Variants in PLIN3 observed in about 807,000 individuals in gnomAD.
The protein encoded by PLIN3 is perilipin-3.
PLIN3 carries 30 observed loss-of-function variants against 35.9 expected under a neutral mutation model. The observed-to-expected ratio is 0.84, with a 90% CI of 0.62 to 1.13. PLIN3 has a LOEUF of 1.13. Ranked by LOEUF, PLIN3 falls within the 50% of genes most tolerant of loss-of-function variation. The probability of loss-of-function intolerance (pLI) is 0.00; values close to 1 mark genes in which losing one functional copy is unlikely to be tolerated. For missense variants in PLIN3, 603 were observed against 596.9 expected (o/e 1.01, Z -0.11); for synonymous variants, 261 against 262.5 (o/e 0.99, Z 0.06).
intron 2 of PLIN3, 32 bp downstream of exon 2, chr19:4,861,297 C>T (rs768001616): frequency 1.4e-5 from 22 of 1,593,646 alleles, no homozygotes; most frequent in Non-Finnish European, 1.8e-5. Context: ...ATCACAGGGT[C>T]GGGGCAGTCC....
At chr19:4,845,481 C>G (rs902477054) in intron 6 of PLIN3, among the ~76,000 whole-genome samples, 2 of 152,038 alleles carry the variant, frequency 1.3e-5, no homozygotes, top group Non-Finnish European at 2.9e-5. Context: ...TATGACTCAG[C>G]CTTCCAAAGG....
At chr19:4,854,859 C>T (rs1319026430) in intron 4 of PLIN3, among the ~76,000 whole-genome samples, 1 of 151,980 alleles carries the variant, frequency 6.6e-6, no homozygotes, top group Non-Finnish European at 1.5e-5. Flanking sequence ...TCACACCTGT[C>T]ATCCCGGCAC....
chr19:4,864,918 A>G (rs2030800266), intron 1 of PLIN3, among the ~76,000 whole-genome samples: 1 of 152,090 alleles, frequency 6.6e-6, no homozygotes, highest in Non-Finnish European at 1.5e-5. Context: ...AGGGTCGGGC[A>G]TGGTGGCTCA....
intron 5 of PLIN3, 80 bp downstream of exon 5, chr19:4,851,936 C>T: frequency 6.9e-7 from 1 of 1,448,422 alleles, no homozygotes; most frequent in Non-Finnish European, 9.4e-7. Flanking sequence ...AGTGTCGGCA[C>T]AGACCCCAGG....
intron 5 of PLIN3, among the ~76,000 whole-genome samples, chr19:4,850,909 G>A (rs999839397): frequency 2.0e-5 from 3 of 151,944 alleles, no homozygotes; most frequent in African/African-American, 4.8e-5. Context: ...CCCAATCCCC[G>A]CACTTTGGGG....
chr19:4,848,004 G>C (rs1466913299), intron 5 of PLIN3, 114 bp from the exon 6 acceptor site: 1 of 811,318 alleles, frequency 1.2e-6, no homozygotes, highest in East Asian at 2.7e-5. Flanking sequence ...TTTATTTAGA[G>C]ATGGAGTCTC....
intron 5 of PLIN3, 61 bp from the exon 6 acceptor site, chr19:4,847,951 T>C (rs1433042260): frequency 2.6e-6 from 3 of 1,169,532 alleles, no homozygotes; most frequent in Non-Finnish European, 2.5e-6. Flanking sequence ...GCTCGTCCCA[T>C]GCAGACAGTC....
At chr19:4,848,996 G>A (rs763464062) in intron 5 of PLIN3, among the ~76,000 whole-genome samples, 4 of 151,806 alleles carry the variant, frequency 2.6e-5, no homozygotes, top group African/African-American at 7.3e-5. Flanking sequence ...ACAGGGTCTC[G>A]GTCTGTTGCC....
Position 4,859,676 on chromosome 19 carries a change from C to CA in PLIN3, c.266-5_266-4insT. The CA allele has an allele frequency of 6.2e-7, 1 of 1,614,014 alleles. No homozygotes were observed. Among genetic ancestry groups the CA allele is most frequent in the Non-Finnish European group, 8.5e-7 (1 of 1,179,884 alleles). The stretch of plus-strand genomic sequence containing the variant: ...GCGTATTCGCTGGCTGATGCAACTG[C>CA]CAACAACAATTAAGACGCAAATGTG... On this transcript the variant is annotated splice_region_variant and splice_polypyrimidine_tract_variant and intron_variant, in intron 3 of 7. Transcript: ENST00000221957.
At chr19:4,853,356 A>C (rs893154831) in intron 4 of PLIN3, among the ~76,000 whole-genome samples, 8 of 150,456 alleles carry the variant, frequency 5.3e-5, no homozygotes, top group African/African-American at 2.0e-4. Context: ...GCGGAGTTTC[A>C]CTCTTGTTGC....
At chr19:4,849,565 G>A (rs972294592) in intron 5 of PLIN3, among the ~76,000 whole-genome samples, 1 of 152,060 alleles carries the variant, frequency 6.6e-6, no homozygotes, top group East Asian at 1.9e-4. Context: ...CAAAGTGCTG[G>A]GATGACAGGT....
intron 7 of PLIN3, among the ~76,000 whole-genome samples, chr19:4,841,943 TAAAAAAC>T (rs2029906787): frequency 5.2e-5 from 7 of 134,694 alleles, no homozygotes; most frequent in Non-Finnish European, 1.1e-4. Context: ...AAAAAGCTGT[TAAAAAAC>T]AAAAAGTGGA....
intron 4 of PLIN3, among the ~76,000 whole-genome samples, chr19:4,852,569 G>A (rs1036672215): frequency 8.5e-5 from 13 of 152,258 alleles, no homozygotes; most frequent in African/African-American, 2.4e-4. Context: ...CCTAGGCTCC[G>A]TTCCTAGCTA....
chr19:4,865,696 G>A (rs1010860575), intron 1 of PLIN3, among the ~76,000 whole-genome samples: 4 of 151,324 alleles, frequency 2.6e-5, no homozygotes, highest in African/African-American at 9.7e-5. Flanking sequence ...TAGATCTGGA[G>A]TCCAGATTGG....
chr19:4,852,568 C>T (rs545037666), intron 4 of PLIN3, among the ~76,000 whole-genome samples: 5 of 152,308 alleles, frequency 3.3e-5, no homozygotes, highest in Admixed American at 6.5e-5. Context: ...ACCTAGGCTC[C>T]GTTCCTAGCT....
At chr19:4,850,723 C>T (rs908871436) in intron 5 of PLIN3, among the ~76,000 whole-genome samples, 4 of 151,582 alleles carry the variant, frequency 2.6e-5, no homozygotes, top group Admixed American at 6.6e-5. Context: ...GCGTGACCCA[C>T]CGTGCCCGGC....
At chr19:4,854,115 T>C (rs1238683116) in intron 4 of PLIN3, among the ~76,000 whole-genome samples, 1 of 151,782 alleles carries the variant, frequency 6.6e-6, no homozygotes, top group African/African-American at 2.4e-5. Flanking sequence ...TTATTTTTTG[T>C]AGAGACAAGG....
At chr19:4,863,058 G>A (rs1440965405) in intron 1 of PLIN3, among the ~76,000 whole-genome samples, 1 of 152,182 alleles carries the variant, frequency 6.6e-6, no homozygotes, top group Non-Finnish European at 1.5e-5. Context: ...TCAGGAGGCT[G>A]AGGCAGGAGA....
chr19:4,866,590 A>C (rs922353660), intron 1 of PLIN3: 2 of 152,228 alleles, frequency 1.3e-5, no homozygotes, highest in Admixed American at 1.3e-4. Context: ...TGCTAGGTAC[A>C]AAAGTCCCCC....
Sources: allele counts gnomAD v4.1 joint callset (sites outside exome capture counted in the v4.1 genomes callset), GRCh38; gene constraint gnomAD v4.1.1; transcripts MANE v1.5; gene names NCBI Gene and HGNC (gene_info 2026-07-23, HGNC 2026-07-21).